Variants in ERBB4 observed in about 807,000 individuals in gnomAD.
ERBB4 encodes receptor tyrosine-protein kinase erbB-4.
A neutral mutation model predicts 158.0 loss-of-function variants in ERBB4; 42 were observed. The observed-to-expected ratio is 0.27, with a 90% CI of 0.21 to 0.34. The LOEUF (loss-of-function observed/expected upper bound fraction) is 0.34, where lower values mean the gene tolerates loss of function less well. Ranked by LOEUF, ERBB4 falls within the 10% of genes least tolerant of loss-of-function variation. The probability of loss-of-function intolerance (pLI) is 1.00; values close to 1 mark genes in which losing one functional copy is unlikely to be tolerated. For synonymous variants in ERBB4, 583 were observed against 558.7 expected (o/e 1.04, Z -0.61); for missense variants, 1,333 against 1,624.1 (o/e 0.82, Z 3.08).
intron 3 of ERBB4, among the ~76,000 whole-genome samples, chr2:211,861,376 A>G (rs1485930903): frequency 2.6e-5 from 2 of 75,634 alleles, no homozygotes; most frequent in African/African-American, 5.3e-5. Context: ...TTTTACTTTT[A>G]GCAGAGAAGA....
At chr2:211,616,264 A>C (rs940654937) in intron 19 of ERBB4, among the ~76,000 whole-genome samples, 19 of 152,092 alleles carry the variant, frequency 1.2e-4, no homozygotes, top group Non-Finnish European at 1.5e-5. Flanking sequence ...GAGTCTCTCC[A>C]GTGAAAAGAA....
At position 212,039,858 on chromosome 2, in the gene ERBB4, AAAAGG is replaced by A. The variant is rs530914847; in HGVS notation, c.234+84889_234+84893del. Among the ~76,000 whole-genome samples the A allele has an allele frequency of 6.4e-3, 968 of 152,190 alleles. 4 individuals are homozygous for A. Among genetic ancestry groups the A allele is most frequent in the Non-Finnish European group, 0.01 (712 of 67,992 alleles). ...CACCACAAAAAAAAGAAAAGAAAAG[AAAAGG>A]AAAGAAAAAAGGAGGAATCCATGTC... is the stretch of plus-strand genomic sequence containing the variant. On this transcript the variant is annotated intron_variant, in intron 2 of 27. Coordinates refer to ENST00000342788, the MANE Select transcript of ERBB4 (RefSeq NM_005235.3).
At position 211,895,928 on chromosome 2, in the gene ERBB4, C is replaced by A. The variant is rs1406709660; in HGVS notation, c.421+51502G>T. 3.9e-5 allele frequency among the ~76,000 whole-genome samples: 6 copies of A among 152,256 alleles called. 1 individual carries two copies. In the South Asian group the frequency reaches 6.2e-4, roughly 16 times the overall value. On this transcript the variant is annotated intron_variant, in intron 3 of 27. Transcript: ENST00000342788. ...ATGAACAGTTGTTCAGTCTTCACTG[C>A]ACTGGCTTCGTTCCAGTTTCTTGGT...
chr2:212,450,292 A>G (rs1460456662), intron 1 of ERBB4, among the ~76,000 whole-genome samples: 1 of 152,194 alleles, frequency 6.6e-6, no homozygotes, highest in Non-Finnish European at 1.5e-5. Flanking sequence ...ATTAACTTAC[A>G]TGGCAATAGG....
At chr2:211,949,687 T>C (rs996540256) in intron 2 of ERBB4, among the ~76,000 whole-genome samples, 1 of 152,178 alleles carries the variant, frequency 6.6e-6, no homozygotes, top group African/African-American at 2.4e-5. Context: ...TTGTGCATTA[T>C]ACCCTTAAAA....
At chr2:211,566,758 TTTAA>T (rs1023490672) in intron 19 of ERBB4, among the ~76,000 whole-genome samples, 1 of 152,144 alleles carries the variant, frequency 6.6e-6, no homozygotes, top group South Asian at 2.1e-4. Context: ...TAATTATATA[TTTAA>T]TTGTGTATTA....
At chr2:212,126,460 CAAAAAAAAAAA>C (rs10585812) in intron 1 of ERBB4, among the ~76,000 whole-genome samples, 1 of 70,692 alleles carries the variant, frequency 1.4e-5, no homozygotes, top group African/African-American at 5.2e-5. Flanking sequence ...GACTCTGTCT[CAAAAAAAAAAA>C]AAAAAAAAAA....
intron 20 of ERBB4, among the ~76,000 whole-genome samples, chr2:211,519,875 T>G (rs576965800): frequency 6.6e-6 from 1 of 152,274 alleles, no homozygotes; most frequent in South Asian, 2.1e-4. Context: ...TCCTGACCAC[T>G]TCACCACTGA....
chr2:211,974,095 G>C (rs2081537201), intron 2 of ERBB4, among the ~76,000 whole-genome samples: 1 of 152,110 alleles, frequency 6.6e-6, no homozygotes, highest in Non-Finnish European at 1.5e-5. Context: ...TGGACGGTGG[G>C]AGGAGGGAGA....
intron 1 of ERBB4, among the ~76,000 whole-genome samples, chr2:212,265,278 G>C (rs1325623734): frequency 2.6e-5 from 4 of 152,076 alleles, no homozygotes; most frequent in African/African-American, 9.7e-5. Flanking sequence ...GAGACTGATA[G>C]AGATAAACAA....
At chr2:212,219,569 T>A (rs931675187) in intron 1 of ERBB4, among the ~76,000 whole-genome samples, 2 of 151,144 alleles carry the variant, frequency 1.3e-5, no homozygotes, top group Non-Finnish European at 3.0e-5. Context: ...AAATCCAGAA[T>A]GGGGGGAAAA....
chr2:211,988,454 T>C (rs1344583037), intron 2 of ERBB4, among the ~76,000 whole-genome samples: 1 of 152,176 alleles, frequency 6.6e-6, no homozygotes, highest in African/African-American at 2.4e-5. Context: ...AAGTGTTTAG[T>C]AAAGAATACT....
chr2:211,854,605 TTC>T (rs1330286655), intron 3 of ERBB4, among the ~76,000 whole-genome samples: 1 of 152,148 alleles, frequency 6.6e-6, no homozygotes, highest in African/African-American at 2.4e-5. Context: ...TTCATCTCTA[TTC>T]TCTTTCACTC....
intron 19 of ERBB4, among the ~76,000 whole-genome samples, chr2:211,607,924 T>C (rs2069049676): frequency 7.0e-6 from 1 of 143,144 alleles, no homozygotes; most frequent in African/African-American, 2.6e-5. Context: ...GGCTGGAGTG[T>C]AGTGGTGCGA....
chr2:212,350,517 C>G (rs908736827), intron 1 of ERBB4, among the ~76,000 whole-genome samples: 1 of 152,054 alleles, frequency 6.6e-6, no homozygotes, highest in Admixed American at 6.6e-5. Flanking sequence ...CATGTGCCAA[C>G]TAAAAGAGAT....
chr2:212,362,250 A>C (rs1013624082), intron 1 of ERBB4, among the ~76,000 whole-genome samples: 10 of 151,634 alleles, frequency 6.6e-5, no homozygotes, highest in African/African-American at 2.2e-4. Flanking sequence ...GTATACTAAA[A>C]TAAAGACTTT....
At chr2:212,334,593 CATTATA>C (rs2088339246) in intron 1 of ERBB4, among the ~76,000 whole-genome samples, 1 of 151,930 alleles carries the variant, frequency 6.6e-6, no homozygotes, top group Admixed American at 6.6e-5. Context: ...CATCATATTG[CATTATA>C]ATTATTTGTT....
At position 212,019,736 on chromosome 2, in the gene ERBB4, T is replaced by C. The variant is rs2076605896; in HGVS notation, c.235-72120A>G. On this transcript the variant is annotated intron_variant, in intron 2 of 27. Transcript: ENST00000342788. Reference sequence around the variant, plus strand: ...CAAGATTGTGCCACTGCATCCAGCCTGGAAAACAAAGCAACATTCTGTAAA... The same window carrying C: ...CAAGATTGTGCCACTGCATCCAGCCCGGAAAACAAAGCAACATTCTGTAAA... Among the ~76,000 whole-genome samples, 4 of 111,124 alleles carry C rather than the reference T, an allele frequency of 3.6e-5. No homozygotes were observed. In the South Asian group the frequency reaches 1.1e-3, roughly 30 times the overall value. The allele number at this position is 111,124 out of a possible 152,430, so 72.9% of individuals were successfully genotyped here. A position where few individuals can be genotyped will look rare whatever the true frequency, so the allele number is the denominator to read the frequency against.
chr2:211,484,879 A>G (rs1317937105), intron 20 of ERBB4, among the ~76,000 whole-genome samples: 4 of 152,210 alleles, frequency 2.6e-5, no homozygotes, highest in Admixed American at 2.0e-4. Flanking sequence ...AGGCCCCCTT[A>G]TTAGTGCATG....
Sources: gnomAD v4.1 joint callset for allele counts (sites outside exome capture counted in the v4.1 genomes callset) on GRCh38, gnomAD v4.1.1 for gene constraint, MANE v1.5 for transcripts, NCBI Gene and HGNC (gene_info 2026-07-23, HGNC 2026-07-21) for gene names.